Variants in DENND1A observed in about 807,000 individuals in gnomAD.
DENND1A encodes the protein DENN domain-containing protein 1A.
DENND1A carries 51 observed loss-of-function variants against 113.7 expected under a neutral mutation model. The ratio of observed to expected loss-of-function variants is 0.45; its 90% CI spans 0.36 to 0.57. DENND1A has a LOEUF of 0.57. Ranked by LOEUF, DENND1A falls within the 20% of genes least tolerant of loss-of-function variation. DENND1A has a pLI of 0.00. For missense variants in DENND1A, 1,258 were observed against 1,395.9 expected (o/e 0.90, Z 1.57); for synonymous variants, 565 against 570.8 (o/e 0.99, Z 0.14).
intron 19 of DENND1A, among the ~76,000 whole-genome samples, chr9:123,434,725 T>C (rs2046388269): frequency 6.6e-6 from 1 of 152,084 alleles, no homozygotes; most frequent in South Asian, 2.1e-4. Context: ...TGCTCTGGGA[T>C]TGGACAGGCA....
At chr9:123,504,340 C>A (rs903095711) in intron 13 of DENND1A, among the ~76,000 whole-genome samples, 2 of 152,176 alleles carry the variant, frequency 1.3e-5, no homozygotes, top group African/African-American at 4.8e-5. Context: ...TTTTCACCCC[C>A]ACTGGGAGGT....
chr9:123,723,606 C>A (rs1054617892), intron 5 of DENND1A, among the ~76,000 whole-genome samples: 2 of 152,154 alleles, frequency 1.3e-5, no homozygotes, highest in South Asian at 2.1e-4. Flanking sequence ...GAATAAGTCT[C>A]ATGAAATCTG....
chr9:123,917,168 A>G (rs1280852103), intron 1 of DENND1A, among the ~76,000 whole-genome samples: 3 of 152,026 alleles, frequency 2.0e-5, no homozygotes. Context: ...CAGGCGACCG[A>G]GCAAGACCCT....
chr9:123,506,398 A>G (rs573702544), intron 13 of DENND1A, among the ~76,000 whole-genome samples: 3 of 152,052 alleles, frequency 2.0e-5, no homozygotes, highest in Non-Finnish European at 4.4e-5. Flanking sequence ...CCTGGGCAAC[A>G]TGGTGAAACC....
intron 19 of DENND1A, among the ~76,000 whole-genome samples, chr9:123,421,238 C>A (rs1165423186): frequency 6.6e-6 from 1 of 151,428 alleles, no homozygotes; most frequent in East Asian, 1.9e-4. Flanking sequence ...GATCTACATG[C>A]GAGGTCTCTA....
At chr9:123,490,122 G>A (rs1476128196) in intron 13 of DENND1A, among the ~76,000 whole-genome samples, 2 of 152,144 alleles carry the variant, frequency 1.3e-5, no homozygotes, top group Non-Finnish European at 2.9e-5. Flanking sequence ...GGCCTGTTTT[G>A]AAAACAATTT....
chr9:123,628,310 T>C (rs944950462), intron 10 of DENND1A, among the ~76,000 whole-genome samples: 2 of 151,234 alleles, frequency 1.3e-5, no homozygotes, highest in Non-Finnish European at 2.9e-5. Flanking sequence ...GACAAGCAGA[T>C]GACAGTGACA....
Position 123,918,456 on chromosome 9 carries a change from C to T in DENND1A, c.17+11433G>A, listed in dbSNP as rs1253289629. Among the ~76,000 whole-genome samples the T allele has an allele frequency of 2.0e-5, 3 of 148,536 alleles. No individual in the cohort carries two copies. The Admixed American group carries it at 2.0e-4, about 10-fold the overall frequency. The stretch of plus-strand genomic sequence containing the variant: ...TGAGCTGAGATCACGCCACTGCTCT[C>T]CAGCCTGGGCAATAGAGGGAGACTC... On this transcript the variant is annotated intron_variant, in intron 1 of 23. Coordinates refer to ENST00000394215, the MANE Select transcript of DENND1A (RefSeq NM_001352964.2).
chr9:123,784,912 A>G (rs768665863), intron 3 of DENND1A, among the ~76,000 whole-genome samples: 22 of 152,314 alleles, frequency 1.4e-4, no homozygotes, highest in Admixed American at 4.6e-4. Context: ...CAATTTTTCA[A>G]TTGAGTTTGG....
At chr9:123,613,527 A>G (rs2060510389) in intron 10 of DENND1A, among the ~76,000 whole-genome samples, 1 of 152,228 alleles carries the variant, frequency 6.6e-6, no homozygotes, top group Non-Finnish European at 1.5e-5. Context: ...TCTAGAAAAC[A>G]TGAATGGAAA....
intron 19 of DENND1A, among the ~76,000 whole-genome samples, chr9:123,420,089 G>A (rs2045121369): frequency 6.6e-6 from 1 of 152,232 alleles, no homozygotes; most frequent in African/African-American, 2.4e-5. Context: ...ATGCTGTACA[G>A]GAAGGACTTC....
intron 18 of DENND1A, among the ~76,000 whole-genome samples, chr9:123,444,744 G>T (rs2047174909): frequency 6.6e-6 from 1 of 152,224 alleles, no homozygotes; most frequent in Non-Finnish European, 1.5e-5. Context: ...TATAAAATGA[G>T]ATTATTTTTT....
chr9:123,469,506 T>C (rs532273350), intron 13 of DENND1A, among the ~76,000 whole-genome samples: 1 of 152,340 alleles, frequency 6.6e-6, no homozygotes, highest in African/African-American at 2.4e-5. Context: ...CAGCAGCCCC[T>C]TCCTTCTGCA....
chr9:123,708,267 T>A (rs1196242422), intron 5 of DENND1A, among the ~76,000 whole-genome samples: 1 of 152,206 alleles, frequency 6.6e-6, no homozygotes, highest in African/African-American at 2.4e-5. Context: ...TATCATTACC[T>A]TACATATATT....
At chr9:123,770,057 T>C (rs1829483429) in intron 3 of DENND1A, among the ~76,000 whole-genome samples, 1 of 152,198 alleles carries the variant, frequency 6.6e-6, no homozygotes, top group South Asian at 2.1e-4. Flanking sequence ...TTGAAGATAA[T>C]TGTCCCTGAA....
chr9:123,683,628 A>AT (rs1371506949), intron 5 of DENND1A, among the ~76,000 whole-genome samples: 6 of 152,090 alleles, frequency 3.9e-5, no homozygotes, highest in Non-Finnish European at 8.8e-5. Context: ...AAATTGATGC[A>AT]TTTTATTCCC....
At chr9:123,623,181 G>T (rs989480011) in intron 10 of DENND1A, among the ~76,000 whole-genome samples, 9 of 152,148 alleles carry the variant, frequency 5.9e-5, no homozygotes, top group African/African-American at 1.9e-4. Context: ...GGGATAAAAA[G>T]AGAAGATGAA....
At chr9:123,734,402 C>T (rs2068407313) in intron 5 of DENND1A, among the ~76,000 whole-genome samples, 3 of 151,858 alleles carry the variant, frequency 2.0e-5, no homozygotes, top group Admixed American at 2.0e-4. Context: ...ATATGTCTGC[C>T]TTCAGATCCT....
chr9:123,631,635 T>C (rs978284394), intron 9 of DENND1A, among the ~76,000 whole-genome samples: 1 of 152,228 alleles, frequency 6.6e-6, no homozygotes, highest in Non-Finnish European at 1.5e-5. Context: ...CTGGAATTAC[T>C]TTAGGTTTAA....
Sources: allele counts gnomAD v4.1 joint callset (sites outside exome capture counted in the v4.1 genomes callset), GRCh38; gene constraint gnomAD v4.1.1; transcripts MANE v1.5; gene names NCBI Gene and HGNC (gene_info 2026-07-23, HGNC 2026-07-21).